The following SIAH3 variants were observed in gnomAD, a reference collection of about 807,000 sequenced individuals.
SIAH3 encodes seven in absentia homolog 3.
In SIAH3, 9 loss-of-function variants were observed where a neutral mutation model predicts 12.6. That is an observed-to-expected ratio of 0.72 (90% confidence interval 0.43 to 1.25). The LOEUF is 1.25. Ranked by LOEUF, SIAH3 falls within the 50% of genes most tolerant of loss-of-function variation. The pLI is 0.00. For synonymous variants in SIAH3, 154 were observed against 151.1 expected, an observed-to-expected ratio of 1.02 and a Z score of -0.14; for missense variants, 390 against 365.4, an observed-to-expected ratio of 1.07 and a Z score of -0.55.
At chr13:45,788,532 C>G (rs973249414) in intron 1 of SIAH3, among the ~76,000 whole-genome samples, 10 of 152,270 alleles carry the variant, frequency 6.6e-5, no homozygotes, top group African/African-American at 2.4e-4. Flanking sequence ...GCTTTATAGG[C>G]TGGGGATAAT....
chr13:45,828,079 G>A (rs990870291), intron 1 of SIAH3, among the ~76,000 whole-genome samples: 1 of 152,186 alleles, frequency 6.6e-6, no homozygotes, highest in African/African-American at 2.4e-5. Context: ...CCATGTCTTA[G>A]CTCCTCTGAA....
chr13:45,816,342 T>G (rs1950634360), intron 1 of SIAH3, among the ~76,000 whole-genome samples: 1 of 152,208 alleles, frequency 6.6e-6, no homozygotes, highest in Non-Finnish European at 1.5e-5. Context: ...AGGATCCTGA[T>G]GACTGAACTG....
At position 45,783,178 on chromosome 13, in the gene SIAH3, T is replaced by C; in HGVS notation, c.*205A>G. Reference sequence around the variant, plus strand: ...ACAAACATCACACCAAGATCTTAAATTACAGGATGTTTACATAATATAATG... The same window carrying C: ...ACAAACATCACACCAAGATCTTAAACTACAGGATGTTTACATAATATAATG... On this transcript the variant is annotated 3_prime_UTR_variant, in exon 2 of 2. Coordinates refer to ENST00000400405, the MANE Select transcript of SIAH3 (RefSeq NM_198849.3). The C allele has an allele frequency of 2.9e-6, 1 of 343,182 alleles. No homozygotes were observed. Among genetic ancestry groups the C allele is most frequent in the Non-Finnish European group, 5.1e-6 (1 of 195,060 alleles). The allele number at this position is 343,182 out of a possible 1,614,324, so 21.3% of individuals were successfully genotyped here.
At position 45,783,538 on chromosome 13, in the gene SIAH3, G is replaced by C. The variant is rs370343302; in HGVS notation, c.655C>G (p.Arg219Gly). Residue 219 changes from arginine to glycine, a missense_variant, in exon 2 of 2, where the codon CGG becomes GGG. Transcript: ENST00000400405. ...HRRLKWEATPRSVLECVDSVI... is the reference protein window; with the variant it reads ...HRRLKWEATPGSVLECVDSVI... The stretch of plus-strand genomic sequence containing the variant: ...GAGTCCACGCACTCAAGAACAGACC[G>C]GGGCGTGGCCTCCCACTTGAGGCGC... 1 of 1,614,244 alleles carries C rather than the reference G, an allele frequency of 6.2e-7. No individual in the cohort carries two copies. The highest frequency in any genetic ancestry group is 1.7e-5 in the Admixed American group (1 of 60,032).
At chr13:45,809,030 C>A (rs1257109501) in intron 1 of SIAH3, among the ~76,000 whole-genome samples, 1 of 152,160 alleles carries the variant, frequency 6.6e-6, no homozygotes, top group Admixed American at 6.5e-5. Context: ...GGCTTCCAAC[C>A]CTATTGTAAC....
At chr13:45,846,960 A>G (rs529462396) in intron 1 of SIAH3, among the ~76,000 whole-genome samples, 23 of 152,212 alleles carry the variant, frequency 1.5e-4, no homozygotes, top group Non-Finnish European at 2.6e-4. Flanking sequence ...GGAGTGTCAT[A>G]CAATATTCAC....
intron 1 of SIAH3, among the ~76,000 whole-genome samples, chr13:45,829,959 G>T (rs1950692629): frequency 6.6e-6 from 1 of 152,140 alleles, no homozygotes; most frequent in African/African-American, 2.4e-5. Context: ...ACATTTGCGA[G>T]ACCCTGGGCA....
intron 1 of SIAH3, among the ~76,000 whole-genome samples, chr13:45,834,993 A>G (rs1950713068): frequency 6.6e-6 from 1 of 152,172 alleles, no homozygotes; most frequent in Admixed American, 6.5e-5. Flanking sequence ...GTAAATATAA[A>G]CTGTCCTTTA....
At chr13:45,809,647 G>A (rs906787771) in intron 1 of SIAH3, among the ~76,000 whole-genome samples, 4 of 152,078 alleles carry the variant, frequency 2.6e-5, no homozygotes, top group Non-Finnish European at 5.9e-5. Context: ...TTTTAAAAAA[G>A]TAAGGTAAAA....
chr13:45,796,102 T>G (rs1336527606), intron 1 of SIAH3, among the ~76,000 whole-genome samples: 1 of 152,224 alleles, frequency 6.6e-6, no homozygotes, highest in Non-Finnish European at 1.5e-5. Context: ...AGGGAGCCCC[T>G]GAGGGCTGGA....
Position 45,783,652 on chromosome 13 carries a change from G to C in SIAH3, c.541C>G (p.Pro181Ala), listed in dbSNP as rs757051759. 1.2e-6 allele frequency: 2 copies of C among 1,614,022 alleles called. No individual in the cohort carries two copies. The highest frequency in any genetic ancestry group is 1.7e-6 in the Non-Finnish European group (2 of 1,180,000). The change falls in exon 2 of 2, where the codon CCC becomes GCC. Residue 181 changes from proline to alanine, a missense_variant. Physicochemically the swap from Pro to Ala is conservative, Grantham distance 27 (BLOSUM62 -1). Transcript: ENST00000400405. ...AGCATCATGGTGGCAAAGAACTGGGGGTGCCCTTCATGCCTCTCCTGTTTC... is the reference window on the plus strand; with the variant it reads ...AGCATCATGGTGGCAAAGAACTGGGCGTGCCCTTCATGCCTCTCCTGTTTC... Reference protein sequence around the residue: ...LRKQERHEGHPQFFATMMLIG... With the variant: ...LRKQERHEGHAQFFATMMLIG...
At chr13:45,824,388 G>A (rs956184680) in intron 1 of SIAH3, among the ~76,000 whole-genome samples, 56 of 152,148 alleles carry the variant, frequency 3.7e-4, no homozygotes, top group African/African-American at 1.2e-3. Flanking sequence ...TGCTGCTGTC[G>A]ATAAAGCTCT....
chr13:45,851,604 C>A lies in SIAH3; in HGVS notation c.26G>T (p.Gly9Val). 1 of 1,614,132 alleles carries A rather than the reference C, an allele frequency of 6.2e-7. No individual in the cohort carries two copies. The highest frequency in any genetic ancestry group is 8.5e-7 in the Non-Finnish European group (1 of 1,180,038). Reference sequence around the variant, plus strand: ...GAGATGAATGAGATCTAATACAGCCCCAAAGCACTGGGTAAAGAAAAGCAT... The same window carrying A: ...GAGATGAATGAGATCTAATACAGCCACAAAGCACTGGGTAAAGAAAAGCAT... Reference protein sequence around the residue: MLFFTQCFGAVLDLIHLRF... With the variant: MLFFTQCFVAVLDLIHLRF... Residue 9 changes from glycine to valine, a missense_variant, in exon 1 of 2, where the codon GGG (glycine) becomes GTG (valine). Gly to Val is a moderately radical substitution (Grantham distance 109). Coordinates refer to ENST00000400405, the MANE Select transcript of SIAH3 (RefSeq NM_198849.3).
intron 1 of SIAH3, among the ~76,000 whole-genome samples, chr13:45,835,018 C>A (rs1950713146): frequency 6.6e-6 from 1 of 152,086 alleles, no homozygotes; most frequent in South Asian, 2.1e-4. Flanking sequence ...TTAAAGGGCC[C>A]TTTTCATGTT....
At chr13:45,804,396 A>T (rs1170472466) in intron 1 of SIAH3, among the ~76,000 whole-genome samples, 1 of 152,160 alleles carries the variant, frequency 6.6e-6, no homozygotes, top group African/African-American at 2.4e-5. Context: ...CAGAAAAAAG[A>T]TGGGTTGCCA....
Position 45,851,666 on chromosome 13 carries a change from C to G in SIAH3, c.-37G>C, listed in dbSNP as rs199814084. 1 of 1,613,264 alleles carries G rather than the reference C, an allele frequency of 6.2e-7. No homozygotes were observed. Among genetic ancestry groups the G allele is most frequent in the Non-Finnish European group, 8.5e-7 (1 of 1,179,510 alleles). ...GGGGGTTGTTGGTCCGGGAAGGCAG[C>G]GGAGGAAGCTGTGAGTCCTTGGGCC... On this transcript the variant is annotated 5_prime_UTR_variant, in exon 1 of 2. Transcript: ENST00000400405.
intron 1 of SIAH3, among the ~76,000 whole-genome samples, chr13:45,843,444 T>A (rs1050104697): frequency 2.0e-5 from 3 of 152,080 alleles, no homozygotes; most frequent in African/African-American, 7.2e-5. Flanking sequence ...TGAAAAGAAG[T>A]AATGCATAAG....
At chr13:45,839,219 C>A (rs7981534) in intron 1 of SIAH3, among the ~76,000 whole-genome samples, 22,679 of 133,894 alleles carry the variant, frequency 0.17, 2,992 homozygotes, top group East Asian at 0.44. Context: ...ACTTCTTTCT[C>A]CTCTTCTTTT....
At chr13:45,835,757 TCCATA>T (rs1196191229) in intron 1 of SIAH3, among the ~76,000 whole-genome samples, 3 of 152,100 alleles carry the variant, frequency 2.0e-5, no homozygotes, top group African/African-American at 7.2e-5. Context: ...CTTAACACTC[TCCATA>T]GGCTGGAGGG....
Sources: gnomAD v4.1 joint callset for allele counts (sites outside exome capture counted in the v4.1 genomes callset) on GRCh38, gnomAD v4.1.1 for gene constraint, MANE v1.5 for transcripts, NCBI Gene and HGNC (gene_info 2026-07-23, HGNC 2026-07-21) for gene names.